GRK4: variants seen among roughly 807,000 people sequenced by gnomAD.
GRK4 encodes G protein-coupled receptor kinase 2-like.
A neutral mutation model predicts 77.9 loss-of-function variants in GRK4; 73 were observed. The ratio of observed to expected loss-of-function variants is 0.94; its 90% confidence interval spans 0.78 to 1.14. The LOEUF is 1.14. GRK4 is among the 50% of genes most tolerant of loss of function. GRK4 has a pLI of 0.00. For missense variants in GRK4, 729 were observed against 700.2 expected (o/e 1.04, Z -0.46); for synonymous variants, 257 against 254.4 (o/e 1.01, Z -0.10).
intron 13 of GRK4, among the ~76,000 whole-genome samples, chr4:3,035,958 G>A (rs899497527): frequency 2.6e-5 from 4 of 151,788 alleles, no homozygotes; most frequent in African/African-American, 9.7e-5. Context: ...CCAGGTAGCT[G>A]AGACCACAGC....
rs1738047202 is a variant in GRK4, at chr4:3,027,966, G to A, written c.1025G>A (p.Arg342Lys). ...GLATEIPEGQ[R>K]VRGRVGTVGY... Reference sequence around the variant, plus strand: ...GCCACAGAGATCCCAGAAGGACAGAGGGTTCGAGGAAGAGTTGGAACAGTC... The same window carrying A: ...GCCACAGAGATCCCAGAAGGACAGAAGGTTCGAGGAAGAGTTGGAACAGTC... Residue 342 changes from arginine to lysine, a missense_variant, in exon 11 of 16, where the codon AGG becomes AAG. Physicochemically the swap from Arg to Lys is conservative, Grantham distance 26. Transcript: ENST00000398052. 1 of 1,614,058 alleles carries A rather than the reference G, an allele frequency of 6.2e-7. No homozygotes were observed. The highest frequency in any genetic ancestry group is 1.3e-5 in the African/African-American group (1 of 74,916).
chr4:3,035,441 G>A lies in GRK4; in HGVS notation c.1325G>A (p.Gly442Glu), dbSNP rs552474549. 2.5e-6 allele frequency: 4 copies of A among 1,613,916 alleles called. No homozygotes were observed. In the South Asian group the frequency reaches 3.3e-5, roughly 13 times the overall value. The change falls in exon 13 of 16, where the codon GGG (glycine) becomes GAG (glutamate). Residue 442 changes from glycine (G) to glutamate (E), a missense_variant. Gly to Glu is a moderately conservative substitution (Grantham distance 98, BLOSUM62 -2). Transcript: ENST00000398052. ...RLGCRGEGAA[G>E]VKQHPVFKDI... The stretch of plus-strand genomic sequence containing the variant: ...GGCTGCAGGGGCGAGGGAGCGGCTG[G>A]GGTGAAGCAGCACCCCGTGTTCAAG...
chr4:2,975,303 A>C (rs1720784581), intron 1 of GRK4, among the ~76,000 whole-genome samples: 1 of 152,186 alleles, frequency 6.6e-6, no homozygotes, highest in African/African-American at 2.4e-5. Flanking sequence ...CTCTGTCTCA[A>C]AAAAAGACCG....
intron 13 of GRK4, among the ~76,000 whole-genome samples, chr4:3,036,548 A>T (rs1740693261): frequency 6.6e-6 from 1 of 152,208 alleles, no homozygotes; most frequent in African/African-American, 2.4e-5. Flanking sequence ...ACAGCTGCCG[A>T]CTTCCGTGCT....
chr4:3,002,991 A>G (rs891533297), intron 4 of GRK4, among the ~76,000 whole-genome samples: 5 of 152,188 alleles, frequency 3.3e-5, no homozygotes, highest in Admixed American at 3.3e-4. Context: ...GTAGTGTTAA[A>G]TATATTCACC....
At chr4:2,971,463 A>G (rs548037097) in intron 1 of GRK4, among the ~76,000 whole-genome samples, 2 of 152,322 alleles carry the variant, frequency 1.3e-5, no homozygotes, top group South Asian at 2.1e-4. Flanking sequence ...TAGGTTCTCA[A>G]TAAATACCTG....
At position 2,988,075 on chromosome 4, in the gene GRK4, C is replaced by CAAAAAAAAAAAAAAAAAAAAAAAAAAAAA. The variant is rs67664476; in HGVS notation, c.149-628_149-627insAAAAAAAAAAAAAAAAAAAAAAAAAAAAA. 1.2e-3 allele frequency among the ~76,000 whole-genome samples: 42 copies of CAAAAAAAAAAAAAAAAAAAAAAAAAAAAA among 33,684 alleles called. 7 individuals are homozygous for CAAAAAAAAAAAAAAAAAAAAAAAAAAAAA. Among genetic ancestry groups the CAAAAAAAAAAAAAAAAAAAAAAAAAAAAA allele is most frequent in the African/African-American group, 1.5e-3 (13 of 8,688 alleles). 22.1% of individuals were successfully genotyped at this position (33,684 alleles called of 152,430 possible). A position where few individuals can be genotyped will look rare whatever the true frequency, so the allele number is the denominator to read the frequency against. On this transcript the variant is annotated intron_variant, in intron 2 of 15. Transcript: ENST00000398052. ...TGGATGACAGAGTGAGGCTCTGTCT[C>CAAAAAAAAAAAAAAAAAAAAAAAAAAAAA]AAAAAAAAAAAAAAAAAAAAAAAAG... is the stretch of plus-strand genomic sequence containing the variant.
chr4:3,024,873 A>AAAC (rs1009007240), intron 10 of GRK4, among the ~76,000 whole-genome samples: 8 of 152,002 alleles, frequency 5.3e-5, no homozygotes, highest in South Asian at 4.1e-4. Context: ...ACAAACAAAC[A>AAAC]AACAACAACA....
chr4:3,035,335 T>C, intron 12 of GRK4, 51 bp from the exon 13 acceptor site: 1 of 1,604,456 alleles, frequency 6.2e-7, no homozygotes, highest in Non-Finnish European at 8.5e-7. Flanking sequence ...GAGTTTTGAG[T>C]TTTCATTTTT....
chr4:2,992,288 A>G lies in GRK4; in HGVS notation c.335A>G (p.Asp112Gly), dbSNP rs1198335886. The G allele has an allele frequency of 3.1e-6, 5 of 1,591,248 alleles. No homozygotes were observed. The highest frequency in any genetic ancestry group is 4.3e-6 in the Non-Finnish European group (5 of 1,159,696). The stretch of plus-strand genomic sequence containing the variant: ...TCAATCTTAGATAGATTCTTCAATG[A>G]TAAGGTGTGTTTTCTTCTTTAGAAT... ...GLSILDRFFN[D>G]KLAAPLPEIP... The change falls in exon 4 of 16, where the codon GAT becomes GGT. Residue 112 changes from aspartate (D) to glycine (G), a missense_variant. Physicochemically the swap from Asp to Gly is moderately conservative, Grantham distance 94. Transcript: ENST00000398052.
chr4:3,015,600 C>T (rs112726658), intron 8 of GRK4, among the ~76,000 whole-genome samples: 13 of 150,596 alleles, frequency 8.6e-5, no homozygotes, highest in African/African-American at 2.7e-4. Flanking sequence ...GCGTGAACCC[C>T]GGAGGCGGAG....
rs1440185658 is a variant in GRK4, at chr4:3,027,766, A to T, written c.971-146A>T. 11 of 600,758 alleles carry T rather than the reference A, an allele frequency of 1.8e-5. No individual in the cohort carries two copies. In the South Asian group the frequency reaches 2.2e-4, roughly 12 times the overall value. 37.2% of individuals were successfully genotyped at this position (600,758 alleles called of 1,614,324 possible). A position where few individuals can be genotyped will look rare whatever the true frequency, so the allele number is the denominator to read the frequency against. On this transcript the variant is annotated intron_variant, in intron 10 of 15. Coordinates refer to ENST00000398052, the MANE Select transcript of GRK4 (RefSeq NM_182982.3). ...ATTTTACTAAACATGAAAAAGTTAA[A>T]TGCCATTTTACGTTTACTGTTCCAG...
rs745433571 is a variant in GRK4, at chr4:3,037,382, C to T, written c.1416C>T (p.Ala472=). ...CTGTTCTTGCTACACAGCCTCATGC[C>T]GTTTACTGTAAGGACGTCCTGGATA... ...LEPPFCPDPH[A]VYCKDVLDIE... Residue 472 remains alanine, a synonymous_variant, in exon 14 of 16, where the codon GCC becomes GCT. Transcript: ENST00000398052. 7 of 1,597,568 alleles carry T rather than the reference C, an allele frequency of 4.4e-6. No individual in the cohort carries two copies. Among genetic ancestry groups the T allele is most frequent in the Middle Eastern group, 1.7e-4 (1 of 6,004 alleles).
intron 4 of GRK4, among the ~76,000 whole-genome samples, chr4:3,002,039 G>A (rs1399720881): frequency 6.6e-6 from 1 of 152,206 alleles, no homozygotes; most frequent in Non-Finnish European, 1.5e-5. Flanking sequence ...AACACTGTGA[G>A]TGGGAATACA....
At chr4:3,013,326 G>C (rs112794281) in intron 7 of GRK4, among the ~76,000 whole-genome samples, 2 of 151,978 alleles carry the variant, frequency 1.3e-5, no homozygotes, top group Non-Finnish European at 2.9e-5. Flanking sequence ...TGCTGGGATT[G>C]TAGGCATGAG....
At chr4:3,008,813 A>T (rs1176944746) in intron 6 of GRK4, among the ~76,000 whole-genome samples, 1 of 152,078 alleles carries the variant, frequency 6.6e-6, no homozygotes, top group Non-Finnish European at 1.5e-5. Flanking sequence ...AAAAAAAAAA[A>T]AAAAAGTGTT....
intron 1 of GRK4, among the ~76,000 whole-genome samples, chr4:2,969,874 A>C (rs1698762236): frequency 6.6e-6 from 1 of 151,616 alleles, no homozygotes; most frequent in Non-Finnish European, 1.5e-5. Context: ...ATGGGGTCTC[A>C]CTATGTTGCC....
rs570953248 is a variant in GRK4 at position 2,965,293 on chromosome 4, A to G, written c.52+1171A>G. 11 of 702,982 alleles carry G rather than the reference A, an allele frequency of 1.6e-5. No homozygotes were observed. In the South Asian group the frequency reaches 1.6e-4, roughly 10 times the overall value. The allele number at this position is 702,982 out of a possible 1,614,324, so 43.5% of individuals were successfully genotyped here. On this transcript the variant is annotated intron_variant, in intron 1 of 15. Coordinates refer to ENST00000398052, the MANE Select transcript of GRK4 (RefSeq NM_182982.3). Reference sequence around the variant, plus strand: ...TCAGTTGGTCCAGCCCTTCAGCGGGAGACCCCCACAATCCTCTGTGCAATC... The same window carrying G: ...TCAGTTGGTCCAGCCCTTCAGCGGGGGACCCCCACAATCCTCTGTGCAATC...
intron 12 of GRK4, among the ~76,000 whole-genome samples, chr4:3,031,533 G>A (rs917552227): frequency 1.3e-5 from 2 of 152,208 alleles, no homozygotes; most frequent in Non-Finnish European, 1.5e-5. Flanking sequence ...CGGGGAGCTG[G>A]GCTGCATGCC....
Sources: allele counts gnomAD v4.1 joint callset (sites outside exome capture counted in the v4.1 genomes callset), GRCh38; gene constraint gnomAD v4.1.1; transcripts MANE v1.5; gene names NCBI Gene and HGNC (gene_info 2026-07-23, HGNC 2026-07-21).